Variants in CSMD1 observed in about 807,000 individuals in gnomAD.
The protein encoded by CSMD1 is CUB and Sushi multiple domains 1, also known as CUB and sushi domain-containing protein 1.
Under a neutral mutation model 417.5 loss-of-function variants are expected in CSMD1, and 213 were observed. That is an observed-to-expected ratio of 0.51 (90% CI 0.46 to 0.57). The LOEUF (loss-of-function observed/expected upper bound fraction) is 0.57, where lower values mean the gene tolerates loss of function less well. CSMD1 is among the 20% of genes least tolerant of loss of function. The pLI, the probability that CSMD1 is intolerant of heterozygous loss-of-function variation, is 0.00. For synonymous variants in CSMD1, 2,862 were observed against 1,736.8 expected (o/e 1.65, Z -16.11); for missense variants, 6,923 against 4,529.7 (o/e 1.53, Z -15.17).
intron 3 of CSMD1, among the ~76,000 whole-genome samples, chr8:4,308,613 A>C (rs1343327590): frequency 4.6e-5 from 7 of 152,186 alleles, no homozygotes; most frequent in African/African-American, 1.4e-4. Context: ...AGAATTTGTT[A>C]AGCCTGCTTT....
chr8:4,626,304 G>C (rs1250453900), intron 2 of CSMD1, among the ~76,000 whole-genome samples: 1 of 151,926 alleles, frequency 6.6e-6, no homozygotes, highest in Non-Finnish European at 1.5e-5. Flanking sequence ...TTCATTGCGG[G>C]GGGCTGTGCC....
chr8:4,362,025 C>G (rs576236715), intron 3 of CSMD1, among the ~76,000 whole-genome samples: 2 of 151,704 alleles, frequency 1.3e-5, no homozygotes, highest in African/African-American at 4.8e-5. Context: ...AAAAGCAAGA[C>G]AAGGATTAGA....
intron 2 of CSMD1, among the ~76,000 whole-genome samples, chr8:4,458,954 G>C (rs1055846024): frequency 6.6e-6 from 1 of 152,138 alleles, no homozygotes; most frequent in Admixed American, 6.5e-5. Flanking sequence ...GTAAACCAAC[G>C]AGGAAACATC....
At chr8:4,972,276 G>GATATTGTTTGAAAT (rs533415228) in intron 1 of CSMD1, among the ~76,000 whole-genome samples, 3,354 of 152,092 alleles carry the variant, frequency 0.022, 142 homozygotes, top group African/African-American at 0.077. Flanking sequence ...GTTTTGCTCT[G>GATATTGTTTGAAAT]TCACCACCAA....
intron 26 of CSMD1, among the ~76,000 whole-genome samples, chr8:3,234,221 C>T (rs1799019628): frequency 6.6e-6 from 1 of 152,170 alleles, no homozygotes; most frequent in Non-Finnish European, 1.5e-5. Flanking sequence ...CATTTCATAT[C>T]AACCGGGATT....
intron 23 of CSMD1, among the ~76,000 whole-genome samples, chr8:3,326,249 G>A (rs1265376087): frequency 1.3e-5 from 2 of 152,194 alleles, no homozygotes; most frequent in African/African-American, 2.4e-5. Flanking sequence ...GTAAGAGACT[G>A]GAATATATGC....
At chr8:4,454,675 GCATGTT>G (rs1443575743) in intron 2 of CSMD1, among the ~76,000 whole-genome samples, 2 of 152,170 alleles carry the variant, frequency 1.3e-5, no homozygotes, top group Admixed American at 1.3e-4. Flanking sequence ...TATTATCTTA[GCATGTT>G]CTCTACATAG....
Position 3,362,938 on chromosome 8 carries a change from G to A in CSMD1, c.3116-3598C>T, listed in dbSNP as rs543017328. 2.6e-5 allele frequency among the ~76,000 whole-genome samples: 4 copies of A among 152,278 alleles called. No individual in the cohort carries two copies. The South Asian group carries it at 8.3e-4, about 32-fold the overall frequency. On this transcript the variant is annotated intron_variant, in intron 20 of 69. Coordinates refer to ENST00000635120, the MANE Select transcript of CSMD1 (RefSeq NM_033225.6). ...TGTCTTTCAAGTAAACATTGAAAAA[G>A]CTCAGATCATGTCAAGCTCTTCAAA...
At chr8:4,429,863 C>A (rs184865789) in intron 2 of CSMD1, among the ~76,000 whole-genome samples, 6 of 152,200 alleles carry the variant, frequency 3.9e-5, no homozygotes, top group African/African-American at 1.4e-4. Context: ...CAGTTAAGTT[C>A]TATGAAATGA....
At chr8:3,220,164 G>C (rs201331631) in intron 28 of CSMD1, among the ~76,000 whole-genome samples, 6 of 110,404 alleles carry the variant, frequency 5.4e-5, no homozygotes, top group African/African-American at 1.8e-4. Flanking sequence ...AAAAAAAAAA[G>C]ACTCCACTTG....
chr8:2,984,366 C>A lies in CSMD1; in HGVS notation c.8378-5566G>T, dbSNP rs573414593. On this transcript the variant is annotated intron_variant, in intron 54 of 69. Coordinates refer to ENST00000635120, the MANE Select transcript of CSMD1 (RefSeq NM_033225.6). ...TTTATTTACTTTTTCTTTTTTCCCCCGAGACCACGTCTTGCTCTGTTGCCC... is the reference window on the plus strand; with the variant it reads ...TTTATTTACTTTTTCTTTTTTCCCCAGAGACCACGTCTTGCTCTGTTGCCC... Among the ~76,000 whole-genome samples, 104 of 151,998 alleles carry A rather than the reference C, an allele frequency of 6.8e-4. 1 individual carries two copies. Among genetic ancestry groups the A allele is most frequent in the Non-Finnish European group, 1.3e-3 (85 of 67,936 alleles).
chr8:4,540,271 G>T (rs1000113548), intron 2 of CSMD1, among the ~76,000 whole-genome samples: 2 of 152,178 alleles, frequency 1.3e-5, no homozygotes, highest in African/African-American at 4.8e-5. Context: ...AATAAGGAAA[G>T]ATTTCTGCCC....
At chr8:3,561,290 C>T (rs1269862030) in intron 10 of CSMD1, among the ~76,000 whole-genome samples, 1 of 152,182 alleles carries the variant, frequency 6.6e-6, no homozygotes, top group Admixed American at 6.5e-5. Flanking sequence ...TAGGTATCTA[C>T]TCAAAGGAAA....
Position 3,879,120 on chromosome 8 carries a change from G to A in CSMD1, c.818+118783C>T, listed in dbSNP as rs1231914592. Among the ~76,000 whole-genome samples the A allele has an allele frequency of 3.3e-5, 5 of 152,088 alleles. 1 individual carries two copies. Among genetic ancestry groups the A allele is most frequent in the African/African-American group, 7.2e-5 (3 of 41,402 alleles). ...GTAGTCATCTTCTTGAATCTTAGGT[G>A]TTCAAACAATCATTTTGTTTTATTA... is the stretch of plus-strand genomic sequence containing the variant. On this transcript the variant is annotated intron_variant, in intron 5 of 69. Coordinates refer to ENST00000635120, the MANE Select transcript of CSMD1 (RefSeq NM_033225.6).
At chr8:3,097,180 A>G in intron 46 of CSMD1, 143 bp from the exon 47 acceptor site, 1 of 592,542 alleles carries the variant, frequency 1.7e-6, no homozygotes. Context: ...ACCGAATGCA[A>G]ACACAGAGGG....
At chr8:4,489,450 C>T (rs1317430165) in intron 2 of CSMD1, among the ~76,000 whole-genome samples, 6 of 152,132 alleles carry the variant, frequency 3.9e-5, no homozygotes, top group Non-Finnish European at 8.8e-5. Context: ...TGTTCAAAAA[C>T]TATAAAATGG....
At chr8:4,337,763 G>A (rs1302419516) in intron 3 of CSMD1, among the ~76,000 whole-genome samples, 3 of 152,052 alleles carry the variant, frequency 2.0e-5, no homozygotes, top group Non-Finnish European at 4.4e-5. Flanking sequence ...CCTTTACATT[G>A]GGCTGGAGTT....
At chr8:4,244,130 C>A (rs1369732501) in intron 3 of CSMD1, among the ~76,000 whole-genome samples, 3 of 152,108 alleles carry the variant, frequency 2.0e-5, no homozygotes, top group Non-Finnish European at 2.9e-5. Flanking sequence ...ATGAGTTTCG[C>A]GCAGCACAAG....
At chr8:4,369,929 G>C (rs1436856163) in intron 3 of CSMD1, among the ~76,000 whole-genome samples, 2 of 152,136 alleles carry the variant, frequency 1.3e-5, no homozygotes, top group Non-Finnish European at 2.9e-5. Context: ...TTTAAAGTTA[G>C]ACATTTAACC....
Sources: gnomAD v4.1 joint callset for allele counts (sites outside exome capture counted in the v4.1 genomes callset) on GRCh38, gnomAD v4.1.1 for gene constraint, MANE v1.5 for transcripts, NCBI Gene and HGNC (gene_info 2026-07-23, HGNC 2026-07-21) for gene names.